The following ANKFY1 variants were observed in gnomAD, a reference collection of about 807,000 sequenced individuals.
ANKFY1 encodes the protein ankyrin repeat and FYVE domain-containing protein 1.
ANKFY1 carries 47 observed loss-of-function variants against 128.3 expected under a neutral mutation model. The observed-to-expected ratio is 0.37, with a 90% confidence interval of 0.29 to 0.47. ANKFY1 has a LOEUF of 0.47. Ranked by LOEUF, ANKFY1 falls within the 20% of genes least tolerant of loss-of-function variation. The pLI is 1.00. For missense variants in ANKFY1, 1,222 were observed against 1,510.6 expected, an observed-to-expected ratio of 0.81 and a Z score of 3.17; for synonymous variants, 553 against 601.6, an observed-to-expected ratio of 0.92 and a Z score of 1.18.
intron 2 of ANKFY1, among the ~76,000 whole-genome samples, chr17:4,239,217 T>C (rs1171457632): frequency 1.3e-5 from 2 of 152,162 alleles, no homozygotes; most frequent in Non-Finnish European, 2.9e-5. Context: ...ACTAATCAAT[T>C]GATAAGTAAT....
At chr17:4,231,438 G>A (rs887016515) in intron 3 of ANKFY1, among the ~76,000 whole-genome samples, 9 of 152,196 alleles carry the variant, frequency 5.9e-5, no homozygotes, top group South Asian at 2.1e-4. Flanking sequence ...TCAGTGAGCC[G>A]CGATAGTGTC....
chr17:4,242,529 G>A, intron 1 of ANKFY1, 81 bp from the exon 2 acceptor site: 3 of 1,264,972 alleles, frequency 2.4e-6, no homozygotes, highest in Non-Finnish European at 3.2e-6. Context: ...CCCATAGACA[G>A]GAAAGCTCCC....
intron 3 of ANKFY1, among the ~76,000 whole-genome samples, chr17:4,229,761 A>G (rs2060483571): frequency 6.6e-6 from 1 of 152,232 alleles, no homozygotes; most frequent in Admixed American, 6.5e-5. Context: ...AGGCTGTTTG[A>G]GTGTCCTCAT....
At chr17:4,180,317 A>C (rs1338556571) in intron 16 of ANKFY1, 2 of 156,484 alleles carry the variant, frequency 1.3e-5, no homozygotes, top group East Asian at 1.9e-4. Flanking sequence ...CCCACCTCCC[A>C]TCCCAGCTAC....
intron 3 of ANKFY1, among the ~76,000 whole-genome samples, chr17:4,221,620 T>C (rs1483430201): frequency 6.6e-6 from 1 of 152,126 alleles, no homozygotes; most frequent in East Asian, 1.9e-4. Flanking sequence ...TTTCCAACTG[T>C]TTTTTTCTTT....
intron 16 of ANKFY1, 30 bp from the exon 17 acceptor site, chr17:4,179,907 G>T: frequency 1.2e-6 from 2 of 1,612,682 alleles, no homozygotes; most frequent in Non-Finnish European, 1.7e-6. Context: ...TTTAAAAAAC[G>T]CCACGCTTGG....
rs1231444634 is a variant in ANKFY1, at chr17:4,206,453, C to T, written c.766G>A (p.Gly256Arg). Residue 256 changes from glycine to arginine, a missense_variant, in exon 7 of 25, where the codon GGA becomes AGA. Coordinates refer to ENST00000341657, the MANE Select transcript of ANKFY1 (RefSeq NM_001330063.2). ...PGKLNEADHN[G>R]DLALDLALSR... ...AGGGCTAGATCTAATGCCAGATCTC[C>T]GTTATGATCCGCTTCATTCAGCTTC... 8.7e-6 allele frequency: 14 copies of T among 1,613,938 alleles called. No individual in the cohort carries two copies. The highest frequency in any genetic ancestry group is 4.0e-5 in the African/African-American group (3 of 74,920).
In ANKFY1 at chr17:4,257,350, T is replaced by C. The variant is rs1968182443; in HGVS notation, c.10+6582A>G. Among the ~76,000 whole-genome samples the C allele has an allele frequency of 3.4e-5, 5 of 148,946 alleles. No individual in the cohort carries two copies. In the Admixed American group the frequency reaches 3.4e-4, roughly 10 times the overall value. On this transcript the variant is annotated intron_variant, in intron 1 of 24. Coordinates refer to ENST00000341657, the MANE Select transcript of ANKFY1 (RefSeq NM_001330063.2). ...ATTTCGCCATGCCTCACACAATTCC[T>C]GTTCTGTCGCTACCGTGGCTGATTC...
intron 10 of ANKFY1, among the ~76,000 whole-genome samples, chr17:4,192,337 C>T (rs960828410): frequency 7.0e-6 from 1 of 142,078 alleles, no homozygotes; most frequent in African/African-American, 2.7e-5. Context: ...TTGATGGTTG[C>T]TCTAATCTGG....
intron 11 of ANKFY1, chr17:4,186,995 CTGTT>C: frequency 8.2e-7 from 1 of 1,216,170 alleles, no homozygotes; most frequent in Non-Finnish European, 1.0e-6. Flanking sequence ...TTCGCCGCAA[CTGTT>C]TTTTTTAAAT....
At chr17:4,188,062 C>T (rs1457243467) in intron 11 of ANKFY1, 1 of 152,388 alleles carries the variant, frequency 6.6e-6, no homozygotes, top group Non-Finnish European at 1.5e-5. Context: ...AAGAAAGAGA[C>T]AGAGACACAC....
Position 4,182,314 on chromosome 17 carries a change from A to G in ANKFY1, c.1988T>C (p.Ile663Thr). ...QDGETALQLAIRNQLPLVVDA... is the reference protein window; with the variant it reads ...QDGETALQLATRNQLPLVVDA... Reference sequence around the variant, plus strand: ...AACTACGAGTGGAAGCTGGTTTCTGATGGCCAGCTGGAGGGCTGTCTCCCC... The same window carrying G: ...AACTACGAGTGGAAGCTGGTTTCTGGTGGCCAGCTGGAGGGCTGTCTCCCC... The change falls in exon 15 of 25, where the codon ATC (isoleucine) becomes ACC (threonine). Residue 663 changes from isoleucine (I) to threonine (T), a missense_variant. Ile to Thr is a moderately conservative substitution (Grantham distance 89, BLOSUM62 -1). Transcript: ENST00000341657. 3.1e-6 allele frequency: 5 copies of G among 1,591,138 alleles called. No homozygotes were observed. The highest frequency in any genetic ancestry group is 4.3e-6 in the Non-Finnish European group (5 of 1,167,612).
rs375737738 is a variant in ANKFY1, at chr17:4,216,966, T to C, written c.458+17A>G. 6.2e-7 allele frequency: 1 copy of C among 1,613,838 alleles called. No individual in the cohort carries two copies. The highest frequency in any genetic ancestry group is 8.5e-7 in the Non-Finnish European group (1 of 1,179,960). On this transcript the variant is annotated intron_variant, in intron 4 of 24. Coordinates refer to ENST00000341657, the MANE Select transcript of ANKFY1 (RefSeq NM_001330063.2). ...CACCACCATCTGAGGTGCTTGAATA[T>C]ATCTGCTGTGACTTGCCTCTCCCTG...
intron 1 of ANKFY1, among the ~76,000 whole-genome samples, chr17:4,258,575 T>C (rs62064396): frequency 0.4 from 60,311 of 151,366 alleles, 12,254 homozygotes; most frequent in African/African-American, 0.46. Flanking sequence ...TCCTTATTTC[T>C]ACCAGCCTCC....
At chr17:4,202,738 A>G (rs1041536458) in intron 7 of ANKFY1, among the ~76,000 whole-genome samples, 9 of 150,700 alleles carry the variant, frequency 6.0e-5, no homozygotes, top group Non-Finnish European at 1.2e-4. Context: ...AATACACAGT[A>G]AAGCTAAGAA....
At chr17:4,237,527 A>G (rs1416860163) in intron 2 of ANKFY1, among the ~76,000 whole-genome samples, 1 of 152,184 alleles carries the variant, frequency 6.6e-6, no homozygotes, top group Non-Finnish European at 1.5e-5. Flanking sequence ...AAAGTATTAC[A>G]TCCTAATAAC....
intron 8 of ANKFY1, among the ~76,000 whole-genome samples, chr17:4,196,956 C>G (rs1418972298): frequency 6.6e-6 from 1 of 152,174 alleles, no homozygotes; most frequent in East Asian, 1.9e-4. Flanking sequence ...CCTGTCTCCA[C>G]CAAAATACAA....
chr17:4,249,830 C>A (rs1967737261), intron 1 of ANKFY1, among the ~76,000 whole-genome samples: 1 of 152,172 alleles, frequency 6.6e-6, no homozygotes, highest in African/African-American at 2.4e-5. Context: ...GCCTTCTCCA[C>A]CCATTTCTTA....
chr17:4,251,855 C>G (rs1967850080), intron 1 of ANKFY1, among the ~76,000 whole-genome samples: 1 of 151,830 alleles, frequency 6.6e-6, no homozygotes, highest in African/African-American at 2.4e-5. Flanking sequence ...GCCAACATGG[C>G]AAAACCCCGT....
Sources: allele counts gnomAD v4.1 joint callset (sites outside exome capture counted in the v4.1 genomes callset), GRCh38; gene constraint gnomAD v4.1.1; transcripts MANE v1.5; gene names NCBI Gene and HGNC (gene_info 2026-07-23, HGNC 2026-07-21).